NEK11: variants seen among roughly 807,000 people sequenced by gnomAD.
The protein encoded by NEK11 is NIMA related kinase 11.
NEK11 carries 72 observed loss-of-function variants against 80.7 expected under a neutral mutation model. The observed-to-expected ratio is 0.89, with a 90% CI of 0.74 to 1.08. The LOEUF (loss-of-function observed/expected upper bound fraction) is 1.08. NEK11 is among the 50% of genes least tolerant of loss of function. The pLI, the probability that NEK11 is intolerant of heterozygous loss-of-function variation, is 0.00. For missense variants in NEK11, 764 were observed against 763.6 expected (o/e 1.00, Z -0.01); for synonymous variants, 251 against 260.7 (o/e 0.96, Z 0.36).
At chr3:131,215,233 T>G (rs9824183) in intron 14 of NEK11, among the ~76,000 whole-genome samples, 8,555 of 132,498 alleles carry the variant, frequency 0.065, 321 homozygotes, top group Non-Finnish European at 0.091. Context: ...TGAGAACACT[T>G]GGTCACAGGA....
chr3:131,191,793 C>A (rs1000829218), intron 14 of NEK11, among the ~76,000 whole-genome samples: 1 of 152,042 alleles, frequency 6.6e-6, no homozygotes, highest in Admixed American at 6.6e-5. Flanking sequence ...TAAAGCTAGA[C>A]CCTTACCTCA....
chr3:131,307,169 C>T (rs537718873), intron 17 of NEK11, among the ~76,000 whole-genome samples: 6 of 152,158 alleles, frequency 3.9e-5, no homozygotes, highest in East Asian at 1.9e-4. Context: ...TCCTGTACCT[C>T]CTATTTTGGG....
chr3:131,202,323 A>G (rs1000322520), intron 14 of NEK11, among the ~76,000 whole-genome samples: 4 of 152,154 alleles, frequency 2.6e-5, no homozygotes, highest in Admixed American at 6.6e-5. Context: ...ATGGGGTCAG[A>G]GGATTTCCCT....
chr3:131,246,337 G>C (rs552336843), intron 16 of NEK11, among the ~76,000 whole-genome samples: 1 of 151,962 alleles, frequency 6.6e-6, no homozygotes, highest in South Asian at 2.1e-4. Flanking sequence ...TCTCACATGA[G>C]TGAGAATATA....
chr3:131,066,735 G>A (rs1198019773), intron 3 of NEK11, among the ~76,000 whole-genome samples: 1 of 151,624 alleles, frequency 6.6e-6, no homozygotes, highest in Non-Finnish European at 1.5e-5. Context: ...CCAGCTACTC[G>A]GGAGGCTGAG....
chr3:131,233,035 A>AGGTT (rs898759282), intron 15 of NEK11, among the ~76,000 whole-genome samples: 1 of 136,426 alleles, frequency 7.3e-6, no homozygotes, highest in Admixed American at 7.9e-5. Context: ...GAAGGAAGGA[A>AGGTT]GGTTGGATGA....
intron 5 of NEK11, among the ~76,000 whole-genome samples, chr3:131,112,505 T>C (rs1407487579): frequency 1.3e-5 from 2 of 152,186 alleles, no homozygotes; most frequent in Non-Finnish European, 2.9e-5. Context: ...ACAAGAGTGG[T>C]ACAGATGTTG....
At chr3:131,323,467 T>A (rs1230783229) in intron 17 of NEK11, among the ~76,000 whole-genome samples, 4 of 152,128 alleles carry the variant, frequency 2.6e-5, no homozygotes, top group Admixed American at 2.0e-4. Flanking sequence ...CCTGGTCTCT[T>A]TCTATCTATC....
intron 14 of NEK11, among the ~76,000 whole-genome samples, chr3:131,171,318 G>A (rs1436451283): frequency 6.6e-6 from 1 of 152,134 alleles, no homozygotes; most frequent in Admixed American, 6.5e-5. Flanking sequence ...GAAAATAAAA[G>A]TGCTCAGAGC....
chr3:131,141,233 G>A lies in NEK11; in HGVS notation c.647+7277G>A, dbSNP rs144987561. 2.4e-3 allele frequency among the ~76,000 whole-genome samples: 360 copies of A among 152,204 alleles called. 3 individuals carry two copies. The highest frequency in any genetic ancestry group is 7.9e-3 in the African/African-American group (330 of 41,530). On this transcript the variant is annotated intron_variant, in intron 7 of 17. Transcript: ENST00000383366. ...GGAATGATAAACATATAAACAAACT[G>A]CTGTATACTGTTATAGTGCAATACA...
intron 14 of NEK11, among the ~76,000 whole-genome samples, chr3:131,210,821 G>C (rs907010256): frequency 6.6e-6 from 1 of 151,818 alleles, no homozygotes; most frequent in Admixed American, 6.6e-5. Context: ...TTTTCCATTT[G>C]CTTAGTAGAT....
chr3:131,340,114 C>G (rs894966877), intron 17 of NEK11, among the ~76,000 whole-genome samples: 1 of 152,124 alleles, frequency 6.6e-6, no homozygotes, highest in African/African-American at 2.4e-5. Context: ...TTTCCATATA[C>G]AAGATAACAG....
intron 17 of NEK11, chr3:131,328,226 G>T (rs1343390186): frequency 1.3e-5 from 2 of 152,012 alleles, no homozygotes; most frequent in Non-Finnish European, 2.9e-5. Context: ...GGAGGTCGAG[G>T]TTGCAGCTAT....
chr3:131,224,840 C>T (rs2095142116), intron 14 of NEK11, among the ~76,000 whole-genome samples: 1 of 152,010 alleles, frequency 6.6e-6, no homozygotes, highest in African/African-American at 2.4e-5. Flanking sequence ...TGACTATCTC[C>T]TAGTTAGGAG....
chr3:131,272,185 G>T (rs1010883747), intron 16 of NEK11, among the ~76,000 whole-genome samples: 15 of 152,124 alleles, frequency 9.9e-5, no homozygotes, highest in Non-Finnish European at 1.0e-4. Flanking sequence ...AGTCAAGCAG[G>T]CACATGTTAT....
At chr3:131,184,045 G>A (rs1056601226) in intron 14 of NEK11, among the ~76,000 whole-genome samples, 4 of 152,074 alleles carry the variant, frequency 2.6e-5, no homozygotes, top group African/African-American at 4.8e-5. Flanking sequence ...TCGATGCCTC[G>A]CCTCTTACTT....
At chr3:131,235,505 T>C (rs2095415511) in intron 15 of NEK11, among the ~76,000 whole-genome samples, 2 of 152,152 alleles carry the variant, frequency 1.3e-5, no homozygotes, top group Admixed American at 1.3e-4. Context: ...GTAAATACCA[T>C]TTCATGGTGT....
chr3:131,139,782 T>G (rs2086467151), intron 7 of NEK11, among the ~76,000 whole-genome samples: 1 of 152,214 alleles, frequency 6.6e-6, no homozygotes, highest in South Asian at 2.1e-4. Flanking sequence ...CTTTTTAAAT[T>G]TGTTTTAAGT....
At chr3:131,287,317 G>A (rs1561381756) in intron 17 of NEK11, among the ~76,000 whole-genome samples, 1 of 152,076 alleles carries the variant, frequency 6.6e-6, no homozygotes, top group Non-Finnish European at 1.5e-5. Context: ...TCTGTCATCC[G>A]GGCTGGGGTG....
Sources: allele counts gnomAD v4.1 joint callset (sites outside exome capture counted in the v4.1 genomes callset), GRCh38; gene constraint gnomAD v4.1.1; transcripts MANE v1.5; gene names NCBI Gene and HGNC (gene_info 2026-07-23, HGNC 2026-07-21).